Variants in NIPA1 observed in about 807,000 individuals in gnomAD.
NIPA1 encodes the protein magnesium transporter NIPA1.
NIPA1 carries 13 observed loss-of-function variants against 23.9 expected under a neutral mutation model. The ratio of observed to expected loss-of-function variants is 0.54; its 90% CI spans 0.35 to 0.87. The LOEUF (loss-of-function observed/expected upper bound fraction) is 0.87, where lower values mean the gene tolerates loss of function less well. Ranked by LOEUF, NIPA1 falls within the 40% of genes least tolerant of loss-of-function variation. The pLI is 0.01. For missense variants in NIPA1, 362 were observed against 429.7 expected, an observed-to-expected ratio of 0.84 and a Z score of 1.39; for synonymous variants, 234 against 202.9, an observed-to-expected ratio of 1.15 and a Z score of -1.30.
chr15:22,804,488 A>G (rs971174783), intron 1 of NIPA1, among the ~76,000 whole-genome samples: 1 of 151,892 alleles, frequency 6.6e-6, no homozygotes, highest in Non-Finnish European at 1.5e-5. Flanking sequence ...TTTTTTTCCT[A>G]TCTGGTCGGT....
intron 1 of NIPA1, among the ~76,000 whole-genome samples, chr15:22,799,610 A>T (rs376093396): frequency 6.6e-6 from 1 of 151,952 alleles, no homozygotes; most frequent in East Asian, 1.9e-4. Context: ...GTGAAACCCC[A>T]TCTCTACTAA....
At chr15:22,811,016 G>A (rs1173195187) in intron 2 of NIPA1, 2 of 576,896 alleles carry the variant, frequency 3.5e-6, no homozygotes, top group Non-Finnish European at 6.2e-6. Flanking sequence ...AGTGCAGAAG[G>A]ACAAGTTAGG....
chr15:22,813,647 C>G (rs566513186), intron 3 of NIPA1: 2 of 455,996 alleles, frequency 4.4e-6, no homozygotes, highest in Non-Finnish European at 8.8e-6. Context: ...ATGCCCAAAT[C>G]CTTGCAGAGA....
chr15:22,810,696 A>G, intron 1 of NIPA1, 53 bp from the exon 2 acceptor site: 2 of 1,044,886 alleles, frequency 1.9e-6, no homozygotes, highest in Non-Finnish European at 3.0e-6. Context: ...TCTTCCTGAT[A>G]TACGTAGCTG....
chr15:22,816,486 CTTTTTTTTTT>C (rs71117480), intron 3 of NIPA1, among the ~76,000 whole-genome samples: 2 of 42,268 alleles, frequency 4.7e-5, no homozygotes, highest in East Asian at 1.0e-3. Context: ...CGCACCCAGC[CTTTTTTTTTT>C]TTTTTTTTTT....
chr15:22,804,444 G>T (rs552783380), intron 1 of NIPA1, among the ~76,000 whole-genome samples: 1 of 152,092 alleles, frequency 6.6e-6, no homozygotes, highest in Non-Finnish European at 1.5e-5. Flanking sequence ...TGAGGAGCAC[G>T]AATGTTTAGT....
chr15:22,816,848 A>G (rs558559668), intron 3 of NIPA1, among the ~76,000 whole-genome samples: 3 of 152,008 alleles, frequency 2.0e-5, no homozygotes, highest in Non-Finnish European at 2.9e-5. Flanking sequence ...ATTAGAACTA[A>G]TAAGTTTAGC....
At chr15:22,813,000 T>C (rs1025510069) in intron 3 of NIPA1, among the ~76,000 whole-genome samples, 3 of 152,198 alleles carry the variant, frequency 2.0e-5, no homozygotes, top group African/African-American at 7.2e-5. Context: ...TTGGGATGAA[T>C]AATACACGGC....
intron 1 of NIPA1, among the ~76,000 whole-genome samples, 185 bp from the exon 2 acceptor site, chr15:22,810,564 C>T (rs1355145535): frequency 6.6e-6 from 1 of 152,044 alleles, no homozygotes; most frequent in Admixed American, 6.6e-5. Context: ...GACTTTGCCA[C>T]TTTCGGTGGT....
chr15:22,790,443 C>T (rs1245729549), intron 1 of NIPA1, among the ~76,000 whole-genome samples: 2 of 135,476 alleles, frequency 1.5e-5, no homozygotes, highest in Non-Finnish European at 3.1e-5. Context: ...TTTTTTGAGA[C>T]GGAGTTTTGC....
chr15:22,824,201 C>T lies in NIPA1; in HGVS notation c.952C>T (p.Leu318Phe), dbSNP rs771368395. Residue 318 changes from leucine (L) to phenylalanine (F), a missense_variant, in exon 5 of 5, where the codon CTT becomes TTT. Physicochemically the swap from Leu to Phe is conservative, Grantham distance 22 (BLOSUM62 0). Transcript: ENST00000337435. The surrounding 1 kb of genome is among the most constrained non-coding windows in gnomAD (Gnocchi z 4.1). ...IQVFKEFNFN[L>F]GEMNKSNMKT... is the part of the protein sequence containing the mutation. ...GGTGTTCAAAGAGTTCAATTTCAAC[C>T]TTGGGGAGATGAACAAATCTAATAT... The T allele has an allele frequency of 9.9e-6, 16 of 1,613,272 alleles. No homozygotes were observed. In the South Asian group the frequency reaches 1.6e-4, roughly 17 times the overall value.
At position 22,823,716 on chromosome 15, in the gene NIPA1, T is replaced by C. The variant is rs1895591074; in HGVS notation, c.479-12T>C. 1 of 1,599,114 alleles carries C rather than the reference T, an allele frequency of 6.3e-7. No homozygotes were observed. Among genetic ancestry groups the C allele is most frequent in the African/African-American group, 1.3e-5 (1 of 74,840 alleles). ...GGTGGCTCCGGGTGACTGTGTGCTG[T>C]CTGTGTTCCAGTGTTTGTGGGCTAC... On this transcript the variant is annotated splice_polypyrimidine_tract_variant and intron_variant, in intron 4 of 4. Coordinates refer to ENST00000337435, the MANE Select transcript of NIPA1 (RefSeq NM_144599.5).
At chr15:22,792,294 C>T (rs1894846386) in intron 1 of NIPA1, among the ~76,000 whole-genome samples, 1 of 152,068 alleles carries the variant, frequency 6.6e-6, no homozygotes, top group South Asian at 2.1e-4. Context: ...GTTCGCATGG[C>T]TGCCCTGGGA....
intron 1 of NIPA1, among the ~76,000 whole-genome samples, chr15:22,794,269 G>T (rs534966442): frequency 6.7e-6 from 1 of 148,410 alleles, no homozygotes; most frequent in East Asian, 2.0e-4. Flanking sequence ...TGACAAAGCC[G>T]GTGATTCCGC....
At chr15:22,823,651 G>A (rs1258057382) in intron 4 of NIPA1, 77 bp from the exon 5 acceptor site, 2 of 1,481,366 alleles carry the variant, frequency 1.4e-6, no homozygotes, top group Non-Finnish European at 1.8e-6. Context: ...GGGGGCCCGG[G>A]TGCTGCCCCA....
chr15:22,824,501 G>T lies in NIPA1; in HGVS notation c.*262G>T. ...ATCTCATTTTCATTTCCATTAACCT[G>T]GAAGCTTTCATGAATATTCTCTTCT... On this transcript the variant is annotated 3_prime_UTR_variant, in exon 5 of 5. Transcript: ENST00000337435. This position sits in a 1 kb window ranked among gnomAD's most constrained non-coding sequence, Gnocchi z 4.1. 2.1e-6 allele frequency: 1 copy of T among 469,638 alleles called. No homozygotes were observed. Among genetic ancestry groups the T allele is most frequent in the Non-Finnish European group, 3.8e-6 (1 of 260,232 alleles). The allele number at this position is 469,638 out of a possible 1,614,324, so 29.1% of individuals were successfully genotyped here. A position where few individuals can be genotyped will look rare whatever the true frequency, so the allele number is the denominator to read the frequency against.
At chr15:22,818,632 C>G (rs1895473334) in intron 3 of NIPA1, among the ~76,000 whole-genome samples, 1 of 151,602 alleles carries the variant, frequency 6.6e-6, no homozygotes, top group Non-Finnish European at 1.5e-5. Flanking sequence ...CCCGTCCTTA[C>G]TAAAAATACA....
intron 1 of NIPA1, among the ~76,000 whole-genome samples, chr15:22,787,519 C>A (rs1894735487): frequency 6.6e-6 from 1 of 152,230 alleles, no homozygotes; most frequent in Admixed American, 6.5e-5. Context: ...CTGGACGGGC[C>A]AAGGCCACTT....
At chr15:22,804,992 C>T (rs892889718) in intron 1 of NIPA1, among the ~76,000 whole-genome samples, 5 of 152,014 alleles carry the variant, frequency 3.3e-5, no homozygotes, top group Admixed American at 6.6e-5. Context: ...AGGCACCTGC[C>T]ACCATGCCTG....
Sources: gnomAD v4.1 joint callset for allele counts (sites outside exome capture counted in the v4.1 genomes callset) on GRCh38, gnomAD v4.1.1 for gene constraint, Gnocchi (gnomAD v3.1) non-coding constraint, MANE v1.5 for transcripts, NCBI Gene and HGNC (gene_info 2026-07-23, HGNC 2026-07-21) for gene names.